The following EMSY variants were observed in gnomAD, a reference collection of about 807,000 sequenced individuals.
EMSY encodes EMSY transcriptional repressor, BRCA2 interacting, also known as BRCA2-interacting transcriptional repressor EMSY.
A neutral mutation model predicts 134.6 loss-of-function variants in EMSY; 26 were observed. That is an observed-to-expected ratio of 0.19 (90% confidence interval 0.14 to 0.27). The LOEUF is 0.27. Ranked by LOEUF, EMSY falls within the 10% of genes least tolerant of loss-of-function variation. The pLI is 1.00. For missense variants in EMSY, 1,305 were observed against 1,611.4 expected (o/e 0.81, Z 3.26); for synonymous variants, 579 against 577.8 (o/e 1.00, Z -0.03).
chr11:76,472,907 G>A (rs1948630977), intron 8 of EMSY, 67 bp downstream of exon 9: 5 of 1,538,722 alleles, frequency 3.2e-6, no homozygotes, highest in Non-Finnish European at 4.4e-6. Context: ...AAACTTGGTG[G>A]GTATGTTTCT....
intron 8 of EMSY, among the ~76,000 whole-genome samples, chr11:76,491,740 G>A (rs1030602578): frequency 4.6e-5 from 7 of 152,214 alleles, no homozygotes; most frequent in Non-Finnish European, 8.8e-5. Context: ...GGGTTATCCC[G>A]TGAACTCTTC....
At chr11:76,503,452 A>G (rs1190256088) in intron 9 of EMSY, among the ~76,000 whole-genome samples, 1 of 152,184 alleles carries the variant, frequency 6.6e-6, no homozygotes, top group East Asian at 1.9e-4. Flanking sequence ...TCCAGAAATA[A>G]AACCGTACAA....
At chr11:76,493,518 T>C (rs1012379854) in intron 8 of EMSY, among the ~76,000 whole-genome samples, 2 of 152,014 alleles carry the variant, frequency 1.3e-5, no homozygotes, top group African/African-American at 4.8e-5. Context: ...TTCCGGTCCA[T>C]TGGCCGCCCA....
chr11:76,486,983 A>G (rs1297646682), intron 8 of EMSY, among the ~76,000 whole-genome samples: 1 of 152,252 alleles, frequency 6.6e-6, no homozygotes, highest in African/African-American at 2.4e-5. Flanking sequence ...ACTGTTGTTA[A>G]TAAGACAGAT....
chr11:76,484,749 A>G (rs1949112503), intron 8 of EMSY, among the ~76,000 whole-genome samples: 1 of 152,120 alleles, frequency 6.6e-6, no homozygotes, highest in African/African-American at 2.4e-5. Context: ...CCTGACCAAC[A>G]TGGAGAAACC....
intron 18 of EMSY, 143 bp downstream of exon 19, chr11:76,542,510 A>G: frequency 9.3e-7 from 1 of 1,079,944 alleles, no homozygotes; most frequent in Non-Finnish European, 1.4e-6. Context: ...AGTAGAGGAA[A>G]TGAATTAAGA....
intron 9 of EMSY, among the ~76,000 whole-genome samples, chr11:76,503,060 TG>T (rs1949936757): frequency 6.6e-6 from 1 of 151,720 alleles, no homozygotes; most frequent in Non-Finnish European, 1.5e-5. Context: ...CAGCACTTTG[TG>T]GGGCTGAGGC....
chr11:76,484,162 C>T (rs576142387), intron 8 of EMSY, among the ~76,000 whole-genome samples: 10 of 152,188 alleles, frequency 6.6e-5, no homozygotes, highest in Admixed American at 1.3e-4. Flanking sequence ...GGGTAAATAA[C>T]GAAATTAAGG....
chr11:76,547,985 C>T (rs977228389), intron 20 of EMSY, among the ~76,000 whole-genome samples: 5 of 152,166 alleles, frequency 3.3e-5, no homozygotes, highest in East Asian at 1.9e-4. Flanking sequence ...CTACCTGTAT[C>T]CACTATGTAA....
At chr11:76,482,949 G>C (rs547909078) in intron 8 of EMSY, among the ~76,000 whole-genome samples, 2 of 152,132 alleles carry the variant, frequency 1.3e-5, no homozygotes, top group African/African-American at 4.8e-5. Flanking sequence ...ACACATAATC[G>C]TCAGATTCAC....
chr11:76,513,957 G>C (rs1950363399), intron 10 of EMSY, among the ~76,000 whole-genome samples: 1 of 152,118 alleles, frequency 6.6e-6, no homozygotes, highest in South Asian at 2.1e-4. Context: ...TGATGAAGTT[G>C]AGAAGAGTAT....
chr11:76,524,434 C>A (rs942525766), intron 12 of EMSY, among the ~76,000 whole-genome samples: 1 of 152,182 alleles, frequency 6.6e-6, no homozygotes, highest in Non-Finnish European at 1.5e-5. Flanking sequence ...ATAAAAGCTT[C>A]ATTGGTAGGG....
chr11:76,475,126 G>T (rs887561698), intron 8 of EMSY, among the ~76,000 whole-genome samples: 2 of 152,026 alleles, frequency 1.3e-5, no homozygotes, highest in African/African-American at 4.8e-5. Context: ...AACATGTTCC[G>T]AATTCACCAT....
intron 9 of EMSY, among the ~76,000 whole-genome samples, chr11:76,508,273 T>G (rs1366868522): frequency 6.6e-6 from 1 of 152,184 alleles, no homozygotes; most frequent in African/African-American, 2.4e-5. Context: ...ATATTAATCT[T>G]GTATATCTCC....
At chr11:76,468,253 C>T (rs1353575827) in intron 7 of EMSY, among the ~76,000 whole-genome samples, 1 of 151,348 alleles carries the variant, frequency 6.6e-6, no homozygotes, top group African/African-American at 2.4e-5. Context: ...TATTTATCTC[C>T]CAAGTTATAT....
chr11:76,542,524 T>G (rs922102232), intron 18 of EMSY, among the ~76,000 whole-genome samples, 157 bp downstream of exon 19: 2 of 152,228 alleles, frequency 1.3e-5, no homozygotes, highest in African/African-American at 4.8e-5. Flanking sequence ...ATTAAGAGTC[T>G]TAACACCAGA....
chr11:76,539,592 C>T lies in EMSY; in HGVS notation c.2516-7C>T, dbSNP rs2136630731. 6.2e-7 allele frequency: 1 copy of T among 1,613,726 alleles called. No individual in the cohort carries two copies. Among genetic ancestry groups the T allele is most frequent in the Non-Finnish European group, 8.5e-7 (1 of 1,179,686 alleles). ...ACTATGATTTCTTCCCTTACTTATC[C>T]TTTCAGAACGCACTGATGAGGGGAC... is the stretch of plus-strand genomic sequence containing the variant. On this transcript the variant is annotated splice_region_variant and splice_polypyrimidine_tract_variant and intron_variant, in intron 16 of 20. Transcript: ENST00000334736.
chr11:76,528,572 A>C, intron 14 of EMSY, 106 bp downstream of exon 15: 2 of 628,730 alleles, frequency 3.2e-6, no homozygotes, highest in Non-Finnish European at 5.1e-6. Flanking sequence ...TGTATGCTCT[A>C]TCAATTCTTT....
intron 14 of EMSY, among the ~76,000 whole-genome samples, chr11:76,531,352 T>C (rs1951034445): frequency 1.3e-5 from 2 of 152,206 alleles, no homozygotes; most frequent in African/African-American, 4.8e-5. Flanking sequence ...CATTTAACTG[T>C]TGTGGTTTTT....
Sources: allele counts gnomAD v4.1 joint callset (sites outside exome capture counted in the v4.1 genomes callset), GRCh38; gene constraint gnomAD v4.1.1; transcripts MANE v1.5; gene names NCBI Gene and HGNC (gene_info 2026-07-23, HGNC 2026-07-21).